The following DPYS variants were observed in gnomAD, a reference collection of about 807,000 sequenced individuals.
DPYS encodes the protein dihydropyrimidinase.
Under a neutral mutation model 50.3 loss-of-function variants are expected in DPYS, and 39 were observed. The observed-to-expected ratio is 0.78, with a 90% CI of 0.60 to 1.01. The LOEUF is 1.01. DPYS is among the 50% of genes least tolerant of loss of function. The probability of loss-of-function intolerance (pLI) is 0.00; values close to 1 mark genes in which losing one functional copy is unlikely to be tolerated. For missense variants in DPYS, 659 were observed against 680.9 expected (o/e 0.97, Z 0.36); for synonymous variants, 245 against 250.7 (o/e 0.98, Z 0.22).
At chr8:104,394,116 A>G (rs529038335) in intron 7 of DPYS, among the ~76,000 whole-genome samples, 43 of 152,216 alleles carry the variant, frequency 2.8e-4, no homozygotes, top group Non-Finnish European at 5.4e-4. Flanking sequence ...AAATTCTGGT[A>G]GAAGGTTCTA....
chr8:104,427,507 G>A (rs1043367318), intron 6 of DPYS, among the ~76,000 whole-genome samples: 14 of 151,874 alleles, frequency 9.2e-5, no homozygotes, highest in African/African-American at 3.4e-4. Context: ...TTGAACTCCT[G>A]ACCTCAAGTG....
In DPYS at chr8:104,405,040, AC is replaced by A. The variant is rs137899028; in HGVS notation, c.1236-12050del. ...AGAGAGCCACAAATAAGAAAAAAAA[AC>A]GACAGGCAAGGACCTAAAAGGAGCG... is the stretch of plus-strand genomic sequence containing the variant. On this transcript the variant is annotated intron_variant, in intron 7 of 9. Transcript: ENST00000351513. Among the ~76,000 whole-genome samples the A allele has an allele frequency of 2.1e-4, 32 of 152,338 alleles. 1 individual carries two copies. The highest frequency in any genetic ancestry group is 1.2e-3 in the Admixed American group (18 of 15,302).
intron 1 of DPYS, among the ~76,000 whole-genome samples, chr8:104,458,417 T>A (rs75466597): frequency 0.047 from 7,225 of 152,246 alleles, 223 homozygotes; most frequent in South Asian, 0.077. Context: ...GAGAGAGACA[T>A]CATTCATGTT....
In DPYS at chr8:104,427,994, A is replaced by G. The variant is rs121964924; in HGVS notation, c.1078T>C (p.Trp360Arg). The G allele has an allele frequency of 3.3e-5, 53 of 1,614,194 alleles. No homozygotes were observed. The Middle Eastern group carries it at 1.2e-3, about 35-fold the overall frequency. The change falls in exon 6 of 10, where the codon TGG becomes CGG. Residue 360 changes from tryptophan (W) to arginine (R), a missense_variant. By Grantham distance (101) the Trp-to-Arg change is moderately radical. Coordinates refer to ENST00000351513, the MANE Select transcript of DPYS (RefSeq NM_001385.3). ...GTGAAACCCACCACGCCTTTTTCCC[A>G]TATTACGGACATCCGATCTTCAACA... ...NGVEDRMSVI[W>R]EKGVHSGKMD...
At chr8:104,380,010 C>T (rs1053801450) in intron 9 of DPYS, among the ~76,000 whole-genome samples, 167 bp from the exon 10 acceptor site, 1 of 152,130 alleles carries the variant, frequency 6.6e-6, no homozygotes, top group African/African-American at 2.4e-5. Context: ...CTTTCTCTTG[C>T]TAATCTTTCC....
At chr8:104,383,473 A>C (rs899541231) in intron 8 of DPYS, among the ~76,000 whole-genome samples, 1 of 152,036 alleles carries the variant, frequency 6.6e-6, no homozygotes, top group African/African-American at 2.4e-5. Context: ...ATTTTTGGGG[A>C]GGGAGCTATG....
At chr8:104,428,251 C>A in intron 5 of DPYS, 130 bp from the exon 6 acceptor site, 2 of 1,216,562 alleles carry the variant, frequency 1.6e-6, no homozygotes, top group Non-Finnish European at 1.2e-6. Context: ...GGAGAATGAG[C>A]AGTTTTTTCA....
At position 104,428,126 on chromosome 8, in the gene DPYS, A is replaced by C; in HGVS notation, c.951-5T>G. 1 of 1,614,246 alleles carries C rather than the reference A, an allele frequency of 6.2e-7. No individual in the cohort carries two copies. The highest frequency in any genetic ancestry group is 1.1e-5 in the South Asian group (1 of 91,090). ...CCTGTTGTGGTTAGATCATCACTGT[A>C]AAAGAAAAAACACGAGAGTGATGGG... On this transcript the variant is annotated splice_region_variant and splice_polypyrimidine_tract_variant and intron_variant, in intron 5 of 9. Transcript: ENST00000351513.
In DPYS at chr8:104,381,852, TCA is replaced by T. The variant is rs59581374; in HGVS notation, c.1444-540_1444-539del. The stretch of plus-strand genomic sequence containing the variant: ...TCAGTGCTTGAGCAGAGTTTTGAAA[TCA>T]CACACACACACACACACACACACAC... On this transcript the variant is annotated intron_variant, in intron 8 of 9. Coordinates refer to ENST00000351513, the MANE Select transcript of DPYS (RefSeq NM_001385.3). Among the ~76,000 whole-genome samples, 1,084 of 123,934 alleles carry T rather than the reference TCA, an allele frequency of 8.7e-3. 27 individuals carry two copies. The highest frequency in any genetic ancestry group is 0.036 in the East Asian group (153 of 4,218). 81.3% of individuals were successfully genotyped at this position (123,934 alleles called of 152,430 possible).
At position 104,467,025 on chromosome 8, in the gene DPYS, G is replaced by A; in HGVS notation, c.-105C>T. The A allele has an allele frequency of 1.9e-5, 24 of 1,295,950 alleles. No individual in the cohort carries two copies. The highest frequency in any genetic ancestry group is 2.4e-5 in the Non-Finnish European group (24 of 1,008,542). The allele number at this position is 1,295,950 out of a possible 1,614,324, so 80.3% of individuals were successfully genotyped here. The stretch of plus-strand genomic sequence containing the variant: ...CCCTCCTGCAAGGTCCCCACCGACA[G>A]CCCCCGAGCTCTGCCTCAGGCTGCA... On this transcript the variant is annotated 5_prime_UTR_variant, in exon 1 of 10. Coordinates refer to ENST00000351513, the MANE Select transcript of DPYS (RefSeq NM_001385.3).
chr8:104,388,512 C>T (rs554788154), intron 8 of DPYS, among the ~76,000 whole-genome samples: 2 of 152,288 alleles, frequency 1.3e-5, no homozygotes, highest in African/African-American at 4.8e-5. Context: ...TTTTTGTAAA[C>T]AATTAATAAT....
At chr8:104,429,812 G>T in intron 4 of DPYS, 111 bp from the exon 5 acceptor site, 2 of 1,343,206 alleles carry the variant, frequency 1.5e-6, no homozygotes, top group Non-Finnish European at 1.0e-6. Context: ...AATATCTACA[G>T]TTTAGCAGAA....
intron 6 of DPYS, among the ~76,000 whole-genome samples, chr8:104,426,484 G>A (rs1007372618): frequency 3.9e-5 from 6 of 152,112 alleles, no homozygotes; most frequent in African/African-American, 1.4e-4. Flanking sequence ...CAACTAGAAT[G>A]GTAGCAACGA....
intron 8 of DPYS, among the ~76,000 whole-genome samples, chr8:104,388,940 C>A (rs1226716278): frequency 1.3e-5 from 2 of 152,206 alleles, no homozygotes; most frequent in African/African-American, 4.8e-5. Flanking sequence ...GGGTAATCTG[C>A]TGGGTAAATT....
Position 104,429,550 on chromosome 8 carries a change from C to G in DPYS, c.945G>C (p.Leu315Phe). The change falls in exon 5 of 10, where the codon TTG becomes TTC. Residue 315 changes from leucine to phenylalanine, a missense_variant. Transcript: ENST00000351513. ...PSTPDFLMNL[L>F]ANDDLTTTGT... Reference sequence around the variant, plus strand: ...GTCATCTGCAAAATGATTACTTAGCCAACAGATTCATGAGGAAGTCGGGTG... The same window carrying G: ...GTCATCTGCAAAATGATTACTTAGCGAACAGATTCATGAGGAAGTCGGGTG... The G allele has an allele frequency of 3.7e-6, 6 of 1,613,984 alleles. No individual in the cohort carries two copies. The highest frequency in any genetic ancestry group is 5.1e-6 in the Non-Finnish European group (6 of 1,179,958).
intron 6 of DPYS, 105 bp from the exon 7 acceptor site, chr8:104,424,494 A>G (rs1812654481): frequency 1.7e-6 from 2 of 1,188,300 alleles, no homozygotes; most frequent in Non-Finnish European, 2.4e-6. Flanking sequence ...ACTGCACCTA[A>G]TTTCTTATAT....
chr8:104,403,243 G>A (rs1811882006), intron 7 of DPYS, among the ~76,000 whole-genome samples: 1 of 152,174 alleles, frequency 6.6e-6, no homozygotes, highest in African/African-American at 2.4e-5. Context: ...GGGTATTCCT[G>A]CACAGCTGAG....
chr8:104,433,837 G>C lies in DPYS; in HGVS notation c.794-4136C>G, dbSNP rs139240828. 1.5e-3 allele frequency among the ~76,000 whole-genome samples: 233 copies of C among 151,922 alleles called. 1 individual carries two copies. Among genetic ancestry groups the C allele is most frequent in the East Asian group, 4.7e-3 (24 of 5,154 alleles). ...GGGGCCACTGTGTAGATTTTTCTCC[G>C]CATCTTTTAAAACACAAGAGGAATA... is the stretch of plus-strand genomic sequence containing the variant. On this transcript the variant is annotated intron_variant, in intron 4 of 9. Transcript: ENST00000351513.
At chr8:104,429,779 T>A (rs1457389590) in intron 4 of DPYS, 78 bp from the exon 5 acceptor site, 9 of 1,570,336 alleles carry the variant, frequency 5.7e-6, no homozygotes, top group Non-Finnish European at 7.9e-6. Context: ...TAAATATTAA[T>A]CTTTTCTCCC....
Sources: allele counts gnomAD v4.1 joint callset (sites outside exome capture counted in the v4.1 genomes callset), GRCh38; gene constraint gnomAD v4.1.1; transcripts MANE v1.5; gene names NCBI Gene and HGNC (gene_info 2026-07-23, HGNC 2026-07-21).